CNTN5: variants seen among roughly 807,000 people sequenced by gnomAD.
CNTN5 encodes the protein contactin-5.
Under a neutral mutation model 129.1 loss-of-function variants are expected in CNTN5, and 77 were observed. That is an observed-to-expected ratio of 0.60 (90% confidence interval 0.50 to 0.72). The LOEUF (loss-of-function observed/expected upper bound fraction) is 0.72, where lower values mean the gene tolerates loss of function less well. CNTN5 is among the 30% of genes least tolerant of loss of function. The pLI is 0.00. For missense variants in CNTN5, 1,478 were observed against 1,328.8 expected, an observed-to-expected ratio of 1.11 and a Z score of -1.75; for synonymous variants, 509 against 465.6, an observed-to-expected ratio of 1.09 and a Z score of -1.20.
rs1948473609 is a variant in CNTN5 at position 100,191,108 on chromosome 11, T to C, written c.1581-18T>C. ...TGCAGTAAAACAGAAAAAAAAACTG[T>C]TTTTAAATAATTTTCAGAATAGCTA... On this transcript the variant is annotated intron_variant, in intron 13 of 24. Transcript: ENST00000524871. The C allele has an allele frequency of 6.4e-7, 1 of 1,563,058 alleles. No individual in the cohort carries two copies. Among genetic ancestry groups the C allele is most frequent in the East Asian group, 2.3e-5 (1 of 43,930 alleles).
chr11:99,051,950 ACT>A (rs1864442705), intron 1 of CNTN5, among the ~76,000 whole-genome samples: 1 of 151,894 alleles, frequency 6.6e-6, no homozygotes, highest in Non-Finnish European at 1.5e-5. Context: ...GTTAGCTCTG[ACT>A]ATTCTTAAAG....
At chr11:99,644,844 A>G (rs1300639804) in intron 3 of CNTN5, among the ~76,000 whole-genome samples, 2 of 152,176 alleles carry the variant, frequency 1.3e-5, no homozygotes, top group African/African-American at 2.4e-5. Flanking sequence ...TCCTTTTAAA[A>G]GACATTTTCT....
At position 99,819,674 on chromosome 11, in the gene CNTN5, G is replaced by A. The variant is rs1946729623; in HGVS notation, c.186G>A (p.Leu62=). Residue 62 remains leucine (L), a synonymous_variant, in exon 4 of 25, where the codon CTG becomes CTA. Coordinates refer to ENST00000524871, the MANE Select transcript of CNTN5 (RefSeq NM_014361.4). ...PRYSSPSLGT[L]SASSPSWLGA... is the part of the protein sequence containing the mutation. ...ACAGCAGCCCTTCATTAGGAACACT[G>A]AGTGCTTCTTCACCCAGCTGGCTAG... 6.2e-7 allele frequency: 1 copy of A among 1,612,862 alleles called. No homozygotes were observed. Among genetic ancestry groups the A allele is most frequent in the African/African-American group, 1.3e-5 (1 of 74,968 alleles).
At chr11:100,200,855 T>G (rs2138548421) in intron 15 of CNTN5, among the ~76,000 whole-genome samples, 1 of 152,128 alleles carries the variant, frequency 6.6e-6, no homozygotes, top group Non-Finnish European at 1.5e-5. Flanking sequence ...CTCCAGAAAC[T>G]TAAAAAATGC....
At chr11:99,281,472 T>C (rs1863691014) in intron 1 of CNTN5, among the ~76,000 whole-genome samples, 1 of 152,044 alleles carries the variant, frequency 6.6e-6, no homozygotes, top group African/African-American at 2.4e-5. Flanking sequence ...GAGCATCTTA[T>C]CCATAGCTCA....
At chr11:100,017,920 T>C (rs1385913453) in intron 9 of CNTN5, among the ~76,000 whole-genome samples, 1 of 152,008 alleles carries the variant, frequency 6.6e-6, no homozygotes, top group African/African-American at 2.4e-5. Flanking sequence ...GAAAATAGAA[T>C]AGACAAAGAC....
At chr11:100,060,157 G>A (rs1309204014) in intron 9 of CNTN5, among the ~76,000 whole-genome samples, 2 of 150,702 alleles carry the variant, frequency 1.3e-5, no homozygotes, top group East Asian at 3.9e-4. Flanking sequence ...AGTGAGCTGA[G>A]ATCGTGCCAC....
intron 2 of CNTN5, among the ~76,000 whole-genome samples, chr11:99,546,998 A>C (rs1011749668): frequency 1.6e-3 from 164 of 105,720 alleles, no homozygotes; most frequent in South Asian, 6.3e-3. Flanking sequence ...AATGAAAATT[A>C]TTTTCTTTTT....
intron 2 of CNTN5, among the ~76,000 whole-genome samples, chr11:99,349,658 G>A (rs1286609906): frequency 6.6e-6 from 1 of 152,148 alleles, no homozygotes; most frequent in Non-Finnish European, 1.5e-5. Context: ...GATGTTAGAA[G>A]GGAGAAGTTT....
intron 1 of CNTN5, among the ~76,000 whole-genome samples, chr11:99,273,481 C>T (rs1344078275): frequency 9.2e-5 from 14 of 151,730 alleles, no homozygotes. Flanking sequence ...TATCCTTCTT[C>T]CTGGTGTTTG....
intron 9 of CNTN5, among the ~76,000 whole-genome samples, chr11:100,052,629 T>G (rs1943017883): frequency 6.6e-6 from 1 of 151,838 alleles, no homozygotes; most frequent in Non-Finnish European, 1.5e-5. Context: ...AAGTCAATTC[T>G]CTCACAGTTG....
intron 9 of CNTN5, chr11:100,003,870 C>G: frequency 6.6e-6 from 1 of 152,150 alleles, no homozygotes; most frequent in Non-Finnish European, 1.5e-5. Flanking sequence ...CACTTGGTGT[C>G]CTTTCTAAGA....
chr11:100,315,779 GAACCACCCATT>G (rs1212736784), intron 21 of CNTN5, among the ~76,000 whole-genome samples: 3 of 152,134 alleles, frequency 2.0e-5, no homozygotes, highest in African/African-American at 7.2e-5. Flanking sequence ...CATCCGCTTA[GAACCACCCATT>G]TGTAAATTTT....
chr11:99,178,131 AATGGT>A (rs1276380901), intron 1 of CNTN5, among the ~76,000 whole-genome samples: 2 of 151,832 alleles, frequency 1.3e-5, no homozygotes, highest in Non-Finnish European at 2.9e-5. Context: ...ACAACTAAGA[AATGGT>A]ATAGACTCAA....
At chr11:99,200,660 A>G (rs1343787779) in intron 1 of CNTN5, among the ~76,000 whole-genome samples, 1 of 152,202 alleles carries the variant, frequency 6.6e-6, no homozygotes, top group African/African-American at 2.4e-5. Flanking sequence ...CCATCATGAT[A>G]TAAGTGCAAA....
chr11:99,856,401 G>C (rs1194218609), intron 6 of CNTN5, among the ~76,000 whole-genome samples: 1 of 152,158 alleles, frequency 6.6e-6, no homozygotes, highest in African/African-American at 2.4e-5. Context: ...AACTTTCTTA[G>C]AATACCCTCA....
chr11:100,098,517 G>C (rs1945097351), intron 13 of CNTN5, among the ~76,000 whole-genome samples: 1 of 151,946 alleles, frequency 6.6e-6, no homozygotes, highest in South Asian at 2.1e-4. Flanking sequence ...GGAAATATTA[G>C]TTCCAACCAT....
At chr11:100,148,822 T>G (rs949112423) in intron 13 of CNTN5, among the ~76,000 whole-genome samples, 4 of 151,108 alleles carry the variant, frequency 2.6e-5, no homozygotes, top group Admixed American at 6.6e-5. Flanking sequence ...TATCTTGCGG[T>G]GTAAATATTT....
At chr11:99,422,521 TATATATATATA>T (rs1565569231) in intron 2 of CNTN5, among the ~76,000 whole-genome samples, 1 of 10,308 alleles carries the variant, frequency 9.7e-5, no homozygotes, top group African/African-American at 4.2e-4. Flanking sequence ...TATATTTTTA[TATATATATATA>T]TATATATATA....
Sources: gnomAD v4.1 joint callset for allele counts (sites outside exome capture counted in the v4.1 genomes callset) on GRCh38, gnomAD v4.1.1 for gene constraint, MANE v1.5 for transcripts, NCBI Gene and HGNC (gene_info 2026-07-23, HGNC 2026-07-21) for gene names.